MAP4K3: variants seen among roughly 807,000 people sequenced by gnomAD.
MAP4K3 encodes mitogen-activated protein kinase kinase kinase kinase 3, also known as MAPK/ERK kinase kinase kinase 3.
A neutral mutation model predicts 143.5 loss-of-function variants in MAP4K3; 94 were observed. The ratio of observed to expected loss-of-function variants is 0.65; its 90% CI spans 0.55 to 0.78. MAP4K3 has a LOEUF of 0.78. Among genes scored for constraint, MAP4K3 ranks in the 30% least tolerant of loss-of-function variants. The pLI, the probability that MAP4K3 is intolerant of heterozygous loss-of-function variation, is 0.00. For missense variants in MAP4K3, 1,077 were observed against 1,068.1 expected (o/e 1.01, Z -0.12); for synonymous variants, 416 against 347.2 (o/e 1.20, Z -2.20).
chr2:39,345,877 G>A (rs1450179376), intron 3 of MAP4K3, among the ~76,000 whole-genome samples: 4 of 125,570 alleles, frequency 3.2e-5, no homozygotes, highest in Non-Finnish European at 4.7e-5. Context: ...AGCAGAGATC[G>A]TTCCACTGCA....
chr2:39,346,916 A>T (rs925303177), intron 3 of MAP4K3, among the ~76,000 whole-genome samples: 2 of 151,990 alleles, frequency 1.3e-5, no homozygotes, highest in Non-Finnish European at 1.5e-5. Context: ...TATATCTAGA[A>T]TGCAGGATTC....
intron 16 of MAP4K3, among the ~76,000 whole-genome samples, chr2:39,297,825 T>C (rs1392406545): frequency 6.6e-6 from 1 of 152,072 alleles, no homozygotes; most frequent in African/African-American, 2.4e-5. Flanking sequence ...TTGCCAAGGG[T>C]TCGTTACATA....
chr2:39,291,380 C>T (rs1325509542), intron 18 of MAP4K3, among the ~76,000 whole-genome samples: 4 of 152,150 alleles, frequency 2.6e-5, no homozygotes, highest in Non-Finnish European at 5.9e-5. Flanking sequence ...TTTATATCAA[C>T]TGAAAGGTAA....
chr2:39,268,632 C>CTATTTTTTTTTT (rs1680876677), intron 26 of MAP4K3, among the ~76,000 whole-genome samples: 2 of 45,736 alleles, frequency 4.4e-5, no homozygotes, highest in African/African-American at 5.6e-5. Context: ...AAGATTTTTT[C>CTATTTTTTTTTT]TATTTTTTTT....
At chr2:39,285,849 C>T (rs1475135938) in intron 21 of MAP4K3, among the ~76,000 whole-genome samples, 14 of 152,092 alleles carry the variant, frequency 9.2e-5, no homozygotes, top group Non-Finnish European at 2.9e-5. Flanking sequence ...ATTTTAAATT[C>T]TATGATGATA....
chr2:39,251,746 A>G (rs910590873), intron 33 of MAP4K3, 84 bp downstream of exon 33: 12 of 1,140,174 alleles, frequency 1.1e-5, no homozygotes, highest in Non-Finnish European at 2.6e-6. Flanking sequence ...AGACATTTCA[A>G]TTCTCTTGAA....
chr2:39,385,226 G>C (rs1666463943), intron 1 of MAP4K3, among the ~76,000 whole-genome samples: 1 of 152,074 alleles, frequency 6.6e-6, no homozygotes, highest in African/African-American at 2.4e-5. Flanking sequence ...CATATCATAT[G>C]GTAGGTATAT....
intron 24 of MAP4K3, among the ~76,000 whole-genome samples, chr2:39,275,985 G>A (rs1681231461): frequency 6.6e-6 from 1 of 152,112 alleles, no homozygotes; most frequent in Admixed American, 6.5e-5. Context: ...TGATTCTCCT[G>A]TCTCAGCCTC....
intron 1 of MAP4K3, among the ~76,000 whole-genome samples, chr2:39,408,264 C>T (rs1475115628): frequency 2.0e-5 from 3 of 152,180 alleles, no homozygotes; most frequent in Non-Finnish European, 2.9e-5. Flanking sequence ...TGATATTAGA[C>T]AATGCCCCTG....
chr2:39,331,079 T>A (rs1683667873), intron 8 of MAP4K3, among the ~76,000 whole-genome samples: 1 of 152,126 alleles, frequency 6.6e-6, no homozygotes, highest in Non-Finnish European at 1.5e-5. Context: ...ATGAAAATGG[T>A]ATATACATCA....
chr2:39,311,225 G>A (rs755637947), intron 13 of MAP4K3, among the ~76,000 whole-genome samples: 3 of 152,100 alleles, frequency 2.0e-5, no homozygotes, highest in African/African-American at 4.8e-5. Context: ...CTACAGGTGC[G>A]CGCCACTATA....
intron 1 of MAP4K3, among the ~76,000 whole-genome samples, chr2:39,412,919 T>C (rs1667269936): frequency 6.6e-6 from 1 of 152,224 alleles, no homozygotes; most frequent in South Asian, 2.1e-4. Context: ...CTTGGTCATC[T>C]GACCAAATAG....
chr2:39,265,389 A>G, intron 27 of MAP4K3, 83 bp from the exon 28 acceptor site: 1 of 834,854 alleles, frequency 1.2e-6, no homozygotes, highest in Non-Finnish European at 2.0e-6. Context: ...AAACAAACAA[A>G]ACTAAACAAA....
chr2:39,418,294 G>C (rs188199189), intron 1 of MAP4K3, among the ~76,000 whole-genome samples: 389 of 151,842 alleles, frequency 2.6e-3, no homozygotes, highest in Non-Finnish European at 4.4e-3. Flanking sequence ...GGAGCAATCT[G>C]GGCAACAAAA....
At chr2:39,314,071 C>T (rs1472760090) in intron 13 of MAP4K3, among the ~76,000 whole-genome samples, 2 of 152,000 alleles carry the variant, frequency 1.3e-5, no homozygotes, top group Non-Finnish European at 2.9e-5. Context: ...TGTTCTTTGC[C>T]CAGGCTGGAG....
At position 39,420,802 on chromosome 2, in the gene MAP4K3, A is replaced by G. The variant is rs1667525338; in HGVS notation, c.96+16090T>C. Among the ~76,000 whole-genome samples the G allele has an allele frequency of 2.6e-5, 4 of 152,106 alleles. No individual in the cohort carries two copies. In the South Asian group the frequency reaches 6.2e-4, roughly 24 times the overall value. On this transcript the variant is annotated intron_variant, in intron 1 of 33. Transcript: ENST00000263881. ...CAAGCAAAAGATGTCTCTTTCCTTG[A>G]CACTCCCATCATTGAAGAATTCTTA...
intron 3 of MAP4K3, among the ~76,000 whole-genome samples, chr2:39,355,426 G>A (rs1387243376): frequency 1.4e-5 from 2 of 147,396 alleles, no homozygotes; most frequent in Admixed American, 1.4e-4. Context: ...AGCTATTCAT[G>A]AGGCTGAGGT....
chr2:39,267,366 C>T (rs1558610044), intron 26 of MAP4K3, 119 bp from the exon 27 acceptor site: 3 of 733,254 alleles, frequency 4.1e-6, no homozygotes, highest in South Asian at 3.2e-5. Context: ...CATACTAGCT[C>T]ATCTATTAAA....
chr2:39,264,749 TA>T (rs1216757172), intron 28 of MAP4K3, among the ~76,000 whole-genome samples: 6 of 152,060 alleles, frequency 3.9e-5, no homozygotes, highest in African/African-American at 1.4e-4. Context: ...AATGATTCTA[TA>T]AAAAAAATCT....
Sources: allele counts gnomAD v4.1 joint callset (sites outside exome capture counted in the v4.1 genomes callset), GRCh38; gene constraint gnomAD v4.1.1; transcripts MANE v1.5; gene names NCBI Gene and HGNC (gene_info 2026-07-23, HGNC 2026-07-21).